The following SENP7 variants were observed in gnomAD, a reference collection of about 807,000 sequenced individuals.
The protein encoded by SENP7 is sentrin-specific protease 7.
A neutral mutation model predicts 141.2 loss-of-function variants in SENP7; 64 were observed. That is an observed-to-expected ratio of 0.45 (90% confidence interval 0.37 to 0.56). The LOEUF (loss-of-function observed/expected upper bound fraction) is 0.56, where lower values mean the gene tolerates loss of function less well. SENP7 is among the 20% of genes least tolerant of loss of function. The pLI is 0.00. For synonymous variants in SENP7, 382 were observed against 426.4 expected, an observed-to-expected ratio of 0.90 and a Z score of 1.28; for missense variants, 1,025 against 1,212.2, an observed-to-expected ratio of 0.85 and a Z score of 2.29.
At chr3:101,384,569 C>A (rs965900292) in intron 6 of SENP7, among the ~76,000 whole-genome samples, 2 of 152,244 alleles carry the variant, frequency 1.3e-5, no homozygotes, top group Non-Finnish European at 2.9e-5. Context: ...GCACCCGTGC[C>A]AGCACCTGGA....
chr3:101,457,097 A>G, intron 4 of SENP7: 2 of 602,862 alleles, frequency 3.3e-6, no homozygotes. Flanking sequence ...AAAGAGCTGC[A>G]GTGTCCAAAG....
chr3:101,366,689 A>G lies in SENP7; in HGVS notation c.1059T>C (p.Pro353=), dbSNP rs758857730. Residue 353 remains proline (P), a synonymous_variant, in exon 9 of 24, where the codon CCT becomes CCC. Coordinates refer to ENST00000394095, the MANE Select transcript of SENP7 (RefSeq NM_020654.5). The part of the protein sequence containing the change: ...SENYHQDPKL[P]EEITTKPTKS... ...TTGTAGGTTTAGTTGTAATTTCTTC[A>G]GGCAGTTTTGGATCCTGATGATAGT... 3 of 1,613,572 alleles carry G rather than the reference A, an allele frequency of 1.9e-6. No individual in the cohort carries two copies. The highest frequency in any genetic ancestry group is 2.5e-6 in the Non-Finnish European group (3 of 1,179,674).
intron 13 of SENP7, among the ~76,000 whole-genome samples, chr3:101,346,966 A>C (rs570452912): frequency 6.7e-6 from 1 of 149,746 alleles, no homozygotes; most frequent in Non-Finnish European, 1.5e-5. Context: ...AGGGAGGAGG[A>C]AAGGAGGAGG....
intron 5 of SENP7, among the ~76,000 whole-genome samples, chr3:101,404,788 A>G (rs1166920202): frequency 6.6e-6 from 1 of 152,266 alleles, no homozygotes; most frequent in Non-Finnish European, 1.5e-5. Flanking sequence ...ACGTTTCTAA[A>G]GAAGATACAC....
intron 3 of SENP7, among the ~76,000 whole-genome samples, chr3:101,473,326 G>C (rs930536386): frequency 1.3e-5 from 2 of 152,062 alleles, no homozygotes; most frequent in African/African-American, 4.8e-5. Flanking sequence ...TTCCACAATG[G>C]GTGAACTAAT....
chr3:101,358,007 C>T (rs1184906854), intron 11 of SENP7: 1 of 610,750 alleles, frequency 1.6e-6, no homozygotes, highest in Admixed American at 2.6e-5. Flanking sequence ...TGGAGAGAAA[C>T]CATACAAGTG....
intron 1 of SENP7, among the ~76,000 whole-genome samples, chr3:101,512,606 T>C (rs2065905386): frequency 6.6e-6 from 1 of 150,906 alleles, no homozygotes; most frequent in South Asian, 2.1e-4. Context: ...AGAAAAGGAG[T>C]CTCCGGTCGC....
intron 3 of SENP7, among the ~76,000 whole-genome samples, chr3:101,462,290 C>T (rs2063570801): frequency 6.6e-6 from 1 of 152,084 alleles, no homozygotes; most frequent in African/African-American, 2.4e-5. Context: ...ACCTGTAATC[C>T]CAGCACTTGG....
intron 10 of SENP7, among the ~76,000 whole-genome samples, chr3:101,364,374 AGGC>A (rs2059982164): frequency 6.6e-6 from 1 of 152,238 alleles, no homozygotes; most frequent in Non-Finnish European, 1.5e-5. Flanking sequence ...AAGAATGAAG[AGGC>A]AGAGGACTTA....
intron 22 of SENP7, 100 bp from the exon 23 acceptor site, chr3:101,327,916 G>C: frequency 1.1e-6 from 1 of 945,898 alleles, no homozygotes; most frequent in Non-Finnish European, 1.5e-6. Context: ...CAGATGTGCT[G>C]TCTCAAGCCA....
rs750238993 is a variant in SENP7 at position 101,328,629 on chromosome 3, T to A, written c.2795+17A>T. 6.2e-7 allele frequency: 1 copy of A among 1,603,810 alleles called. No homozygotes were observed. Among genetic ancestry groups the A allele is most frequent in the Admixed American group, 1.7e-5 (1 of 59,852 alleles). ...AATACCTCAAAAAACTGTATTATTA[T>A]TACAGCATGTACCTACCTTTTACAC... On this transcript the variant is annotated intron_variant, in intron 21 of 23. Coordinates refer to ENST00000394095, the MANE Select transcript of SENP7 (RefSeq NM_020654.5).
At chr3:101,397,064 A>G (rs1009908341) in intron 6 of SENP7, among the ~76,000 whole-genome samples, 27 of 152,248 alleles carry the variant, frequency 1.8e-4, no homozygotes, top group African/African-American at 6.3e-4. Flanking sequence ...GCTGGCCTCG[A>G]ACTCCTGACC....
chr3:101,509,157 AC>A (rs2065748046), intron 1 of SENP7, among the ~76,000 whole-genome samples: 1 of 150,718 alleles, frequency 6.6e-6, no homozygotes, highest in Middle Eastern at 3.2e-3. Context: ...CCCCTTTCCC[AC>A]TCCCTACCAA....
chr3:101,394,511 T>TA (rs200351382), intron 6 of SENP7, among the ~76,000 whole-genome samples: 44 of 148,360 alleles, frequency 3.0e-4, no homozygotes, highest in East Asian at 7.9e-4. Context: ...TGTTTCTTTT[T>TA]AAAAATTTTT....
chr3:101,365,231 G>T (rs1324744831), intron 9 of SENP7, among the ~76,000 whole-genome samples: 1 of 151,758 alleles, frequency 6.6e-6, no homozygotes, highest in South Asian at 2.1e-4. Flanking sequence ...TCAAACTCCT[G>T]ACCTCAGGTG....
intron 3 of SENP7, among the ~76,000 whole-genome samples, chr3:101,467,074 C>G (rs1269902982): frequency 2.6e-5 from 4 of 152,238 alleles, no homozygotes; most frequent in African/African-American, 7.2e-5. Flanking sequence ...CAAAGCCTTG[C>G]TCACTGCTAG....
intron 4 of SENP7, among the ~76,000 whole-genome samples, chr3:101,458,226 T>C (rs1482541645): frequency 1.3e-5 from 2 of 152,198 alleles, no homozygotes; most frequent in African/African-American, 4.8e-5. Flanking sequence ...AAGGGAGAAT[T>C]AGACTAAGTA....
intron 5 of SENP7, among the ~76,000 whole-genome samples, chr3:101,407,976 A>G (rs1210190226): frequency 1.3e-5 from 2 of 152,172 alleles, no homozygotes. Flanking sequence ...AATACAAAAG[A>G]TAAATGAAAC....
At chr3:101,459,406 T>C (rs1043483392) in intron 3 of SENP7, among the ~76,000 whole-genome samples, 11 of 152,186 alleles carry the variant, frequency 7.2e-5, no homozygotes, top group Non-Finnish European at 1.5e-4. Context: ...ACTGTACTTA[T>C]AACAATTGAA....
Sources: allele counts gnomAD v4.1 joint callset (sites outside exome capture counted in the v4.1 genomes callset), GRCh38; gene constraint gnomAD v4.1.1; transcripts MANE v1.5; gene names NCBI Gene and HGNC (gene_info 2026-07-23, HGNC 2026-07-21).